The following SLU7 variants were observed in gnomAD, a reference collection of about 807,000 sequenced individuals.
SLU7 encodes the protein pre-mRNA-splicing factor SLU7.
A neutral mutation model predicts 87.0 loss-of-function variants in SLU7; 60 were observed. The ratio of observed to expected loss-of-function variants is 0.69; its 90% CI spans 0.56 to 0.86. The LOEUF (loss-of-function observed/expected upper bound fraction) is 0.86. SLU7 is among the 40% of genes least tolerant of loss of function. The pLI is 0.00. For synonymous variants in SLU7, 197 were observed against 222.0 expected, an observed-to-expected ratio of 0.89 and a Z score of 1.00; for missense variants, 507 against 686.6, an observed-to-expected ratio of 0.74 and a Z score of 2.92.
At chr5:160,408,508 G>T in intron 7 of SLU7, 48 bp from the exon 8 acceptor site, 1 of 1,564,534 alleles carries the variant, frequency 6.4e-7, no homozygotes, top group Non-Finnish European at 8.7e-7. Flanking sequence ...AAAGCAGCAT[G>T]TAGTTCTTTT....
chr5:160,413,839 T>C, intron 4 of SLU7, 60 bp downstream of exon 4: 1 of 1,250,994 alleles, frequency 8.0e-7, no homozygotes, highest in Non-Finnish European at 1.1e-6. Flanking sequence ...GTTAGCTCTC[T>C]GACAAAGAAA....
rs1165396438 is a variant in SLU7 at position 160,404,819 on chromosome 5, G to T, written c.1454C>A (p.Thr485Asn). 1.2e-6 allele frequency: 2 copies of T among 1,606,486 alleles called. No homozygotes were observed. The highest frequency in any genetic ancestry group is 8.5e-7 in the Non-Finnish European group (1 of 1,173,060). Residue 485 changes from threonine to asparagine, a missense_variant, in exon 14 of 16, where the codon ACC becomes AAC. This residue lies in a region of SLU7 where 201 missense variants were observed against 213.4 expected (regional missense o/e 0.94). Transcript: ENST00000297151. The stretch of plus-strand genomic sequence containing the variant: ...TGATTATCAACTTACCTCCATGAGG[G>T]TTTGAGGTTTTTTCACAGATTCTTC... ...TGEESVKKPQ[T>N]LMELHQEKLK...
chr5:160,412,616 A>C, intron 5 of SLU7, 97 bp from the exon 6 acceptor site: 1 of 708,394 alleles, frequency 1.4e-6, no homozygotes, highest in Non-Finnish European at 2.3e-6. Context: ...ATATATTTAA[A>C]ATGAATAACT....
chr5:160,408,598 A>T (rs373498773), intron 7 of SLU7, 52 bp downstream of exon 7: 14 of 1,404,806 alleles, frequency 1.0e-5, no homozygotes, highest in Non-Finnish European at 1.4e-5. Flanking sequence ...ATTATTAGCC[A>T]TCAGAAATTT....
chr5:160,406,455 G>A lies in SLU7; in HGVS notation c.1287+13C>T. On this transcript the variant is annotated intron_variant, in intron 12 of 15. Transcript: ENST00000297151. ...CCAACAAGGACACAAAATTGTTCCA[G>A]TTTAGCACATACTGTGTGATTGTGG... The A allele has an allele frequency of 6.3e-7, 1 of 1,587,970 alleles. No homozygotes were observed. Among genetic ancestry groups the A allele is most frequent in the Admixed American group, 1.8e-5 (1 of 54,340 alleles).
chr5:160,407,513 T>G lies in SLU7; in HGVS notation c.1088A>C (p.Asp363Ala). 2 of 1,612,672 alleles carry G rather than the reference T, an allele frequency of 1.2e-6. No homozygotes were observed. Among genetic ancestry groups the G allele is most frequent in the Middle Eastern group, 1.7e-4 (1 of 6,058 alleles). ...LYKSFKVKKEDFKEQQKESIL... is the reference protein window; with the variant it reads ...LYKSFKVKKEAFKEQQKESIL... ...GCTTTCTTTCTGCTGTTCTTTGAAA[T>G]CTTCTTTTTTGACTTTGAAGGACTT... Residue 363 changes from aspartate (D) to alanine (A), a missense_variant, in exon 11 of 16, where the codon GAT (aspartate) becomes GCT (alanine). Physicochemically the swap from Asp to Ala is moderately radical, Grantham distance 126. Transcript: ENST00000297151. The surrounding 1 kb of genome is among the most constrained non-coding windows in gnomAD (Gnocchi z 4.2).
In SLU7 at chr5:160,405,098, C is replaced by G; in HGVS notation, c.1325G>C (p.Gly442Ala). The change falls in exon 13 of 16, where the codon GGA (glycine) becomes GCA (alanine). Residue 442 changes from glycine (G) to alanine (A), a missense_variant. This residue lies in a region of SLU7 where 201 missense variants were observed against 213.4 expected (regional missense o/e 0.94). Coordinates refer to ENST00000297151, the MANE Select transcript of SLU7 (RefSeq NM_006425.5). Reference sequence around the variant, plus strand: ...GAAAAAAGAGTGACAGCATTTGTATCCCCATCGGCCTTCTTTCCAGTACGA... The same window carrying G: ...GAAAAAAGAGTGACAGCATTTGTATGCCCATCGGCCTTCTTTCCAGTACGA... ...WGSYWKEGRW[G>A]YKCCHSFFKY... 1 of 1,613,546 alleles carries G rather than the reference C, an allele frequency of 6.2e-7. No homozygotes were observed. Among genetic ancestry groups the G allele is most frequent in the Non-Finnish European group, 8.5e-7 (1 of 1,179,564 alleles).
chr5:160,402,810 G>A lies in SLU7; in HGVS notation c.*475C>T, dbSNP rs1764835491. The A allele has an allele frequency of 6.6e-6, 1 of 152,152 alleles. No homozygotes were observed. The highest frequency in any genetic ancestry group is 1.5e-5 in the Non-Finnish European group (1 of 68,108). The allele number at this position is 152,152 out of a possible 1,614,324, so 9.4% of individuals were successfully genotyped here. ...AGGCGGGTGGATCACAAGGTCAGGA[G>A]ATCGAGACCATCCTGGCTAACACGA... On this transcript the variant is annotated 3_prime_UTR_variant, in exon 16 of 16. Coordinates refer to ENST00000297151, the MANE Select transcript of SLU7 (RefSeq NM_006425.5).
At chr5:160,413,410 A>G in intron 5 of SLU7, 46 bp downstream of exon 5, 1 of 1,570,946 alleles carries the variant, frequency 6.4e-7, no homozygotes, top group Non-Finnish European at 8.7e-7. Flanking sequence ...ATACAGCAAA[A>G]GGACGATTCT....
Position 160,407,446 on chromosome 5 carries a change from G to A in SLU7, c.1125+30C>T. 6.3e-7 allele frequency: 1 copy of A among 1,586,746 alleles called. No individual in the cohort carries two copies. The highest frequency in any genetic ancestry group is 8.6e-7 in the Non-Finnish European group (1 of 1,169,118). On this transcript the variant is annotated intron_variant, in intron 11 of 15. Transcript: ENST00000297151. This position sits in a 1 kb window ranked among gnomAD's most constrained non-coding sequence, Gnocchi z 4.2. ...AACTAGTAACTTCTCTTTAACAGAA[G>A]TTCTTCTTTAGCATTTTGGTCAAAA...
In SLU7 at chr5:160,414,332, C is replaced by T. The variant is rs747940704; in HGVS notation, c.311G>A (p.Arg104Lys). 7 of 1,610,058 alleles carry T rather than the reference C, an allele frequency of 4.3e-6. No individual in the cohort carries two copies. In the Admixed American group the frequency reaches 1.2e-4, roughly 27 times the overall value. ...TTGCCTACATACCTCTTTTACACCC[C>T]TCTTGTACCATTCTCCAGATGAGCT... ...QFSSSGEWYK[R>K]GVKENSIITK... is the part of the protein sequence containing the mutation. Residue 104 changes from arginine to lysine, a missense_variant, in exon 3 of 16, where the codon AGG becomes AAG. By Grantham distance (26) the Arg-to-Lys change is conservative (BLOSUM62 2). Around this residue, in one of 6 missense-constraint regions of SLU7, gnomAD observed 155 missense variants for 154.4 expected, o/e 1.00. Coordinates refer to ENST00000297151, the MANE Select transcript of SLU7 (RefSeq NM_006425.5).
intron 13 of SLU7, 26 bp from the exon 14 acceptor site, chr5:160,404,906 T>C: frequency 6.5e-7 from 1 of 1,547,726 alleles, no homozygotes; most frequent in Non-Finnish European, 8.9e-7. Context: ...GTAATTTGAG[T>C]TGAGTGTCAT....
rs1764805116 is a variant in SLU7, at chr5:160,402,090, T to C, written c.*1195A>G. 1 of 152,250 alleles carries C rather than the reference T, an allele frequency of 6.6e-6. No homozygotes were observed. Among genetic ancestry groups the C allele is most frequent in the Non-Finnish European group, 1.5e-5 (1 of 68,038 alleles). The allele number at this position is 152,250 out of a possible 1,614,324, so 9.4% of individuals were successfully genotyped here. A position where few individuals can be genotyped will look rare whatever the true frequency, so the allele number is the denominator to read the frequency against. On this transcript the variant is annotated 3_prime_UTR_variant, in exon 16 of 16. Transcript: ENST00000297151. ...CTATTACTAATATCCCTAGAAGCTA[T>C]CCTTATAATTCTTTCAATAAACCAA...
Position 160,413,616 on chromosome 5 carries a change from G to C in SLU7, c.410C>G (p.Pro137Arg). ...THKKKDCFER[P>R]RRVGAKFTGT... The stretch of plus-strand genomic sequence containing the variant: ...TGTAAATTTGGCTCCAACTCGCCTA[G>C]GTCTCTAAAAACAGAGTAAGATTTA... Residue 137 changes from proline to arginine, a missense_variant, in exon 5 of 16, where the codon CCT (proline) becomes CGT (arginine). Pro to Arg is a moderately radical substitution (Grantham distance 103). Around this residue, in one of 6 missense-constraint regions of SLU7, gnomAD observed 155 missense variants for 154.4 expected, o/e 1.00. Transcript: ENST00000297151. The C allele has an allele frequency of 6.2e-7, 1 of 1,608,630 alleles. No individual in the cohort carries two copies. Among genetic ancestry groups the C allele is most frequent in the Admixed American group, 1.7e-5 (1 of 58,608 alleles).
At chr5:160,415,863 C>T (rs1765431451) in intron 1 of SLU7, among the ~76,000 whole-genome samples, 1 of 152,060 alleles carries the variant, frequency 6.6e-6, no homozygotes, top group Non-Finnish European at 1.5e-5. Context: ...TATGTCTTGA[C>T]TTCCCTGACA....
chr5:160,405,179 T>G, intron 12 of SLU7, 44 bp from the exon 13 acceptor site: 1 of 1,348,408 alleles, frequency 7.4e-7, no homozygotes. Flanking sequence ...AAGCTGAAAT[T>G]AGAAACTTCT....
chr5:160,412,416 A>G (rs747407083), intron 6 of SLU7, 35 bp downstream of exon 6: 2 of 1,244,888 alleles, frequency 1.6e-6, no homozygotes, highest in Non-Finnish European at 2.3e-6. Flanking sequence ...TTTAAAAGAA[A>G]TAAAACCTTT....
intron 15 of SLU7, among the ~76,000 whole-genome samples, chr5:160,403,817 T>TA (rs1335587451): frequency 2.0e-5 from 3 of 152,210 alleles, no homozygotes; most frequent in Non-Finnish European, 4.4e-5. Context: ...TGCCAAAACT[T>TA]ACAAACTACG....
Position 160,415,306 on chromosome 5 carries a change from C to T in SLU7, c.-12G>A, listed in dbSNP as rs774695495. On this transcript the variant is annotated 5_prime_UTR_variant, in exon 2 of 16. Transcript: ENST00000297151. The stretch of plus-strand genomic sequence containing the variant: ...ACTGTGGCTGACATGGTTATCTGGC[C>T]TCCTCTAGGAAAAGAAGTGAAACTT... 3.2e-6 allele frequency: 5 copies of T among 1,553,462 alleles called. No homozygotes were observed. In the South Asian group the frequency reaches 6.2e-5, roughly 19 times the overall value.
Sources: gnomAD v4.1 joint callset for allele counts (sites outside exome capture counted in the v4.1 genomes callset) on GRCh38, gnomAD v4.1.1 for gene constraint, gnomAD v4.1.1 regional missense constraint, Gnocchi (gnomAD v3.1) non-coding constraint, MANE v1.5 for transcripts, NCBI Gene and HGNC (gene_info 2026-07-23, HGNC 2026-07-21) for gene names.